HMCN1: variants seen among roughly 807,000 people sequenced by gnomAD.
HMCN1 encodes the protein hemicentin 1.
A neutral mutation model predicts 625.9 loss-of-function variants in HMCN1; 321 were observed. That is an observed-to-expected ratio of 0.51 (90% CI 0.47 to 0.56). The LOEUF (loss-of-function observed/expected upper bound fraction) is 0.56. Ranked by LOEUF, HMCN1 falls within the 20% of genes least tolerant of loss-of-function variation. The pLI is 0.00. For missense variants in HMCN1, 6,588 were observed against 6,887.3 expected (o/e 0.96, Z 1.54); for synonymous variants, 2,425 against 2,417.6 (o/e 1.00, Z -0.09).
chr1:185,888,555 T>G (rs1664826985), intron 4 of HMCN1, among the ~76,000 whole-genome samples: 1 of 145,294 alleles, frequency 6.9e-6, no homozygotes, highest in Non-Finnish European at 1.5e-5. Flanking sequence ...GCACCATTTA[T>G]TAAAGAGGGA....
At chr1:185,819,743 C>G (rs1218435155) in intron 1 of HMCN1, among the ~76,000 whole-genome samples, 1 of 152,062 alleles carries the variant, frequency 6.6e-6, no homozygotes, top group African/African-American at 2.4e-5. Context: ...GAAATTGCCC[C>G]AAATATTTGA....
intron 40 of HMCN1, 107 bp downstream of exon 40, chr1:186,041,243 A>T: frequency 1.0e-6 from 1 of 957,042 alleles, no homozygotes; most frequent in Non-Finnish European, 1.7e-6. Context: ...AATGAACCTT[A>T]GAAATGATAT....
In HMCN1 at chr1:186,151,660, C is replaced by A; in HGVS notation, c.14813C>A (p.Ala4938Glu). The change falls in exon 95 of 107, where the codon GCA becomes GAA. Residue 4938 changes from alanine to glutamate, a missense_variant. Physicochemically the swap from Ala to Glu is moderately radical, Grantham distance 107 (BLOSUM62 -1). Coordinates refer to ENST00000271588, the MANE Select transcript of HMCN1 (RefSeq NM_031935.3). The part of the protein sequence containing the change: ...SILNPIYWTT[A>E]KEIGEAVNGF... ...CTAAATCCCATTTATTGGACAACAG[C>A]AAAGGAAATAGGAGAAGCAGTCAAT... is the stretch of plus-strand genomic sequence containing the variant. The A allele has an allele frequency of 6.2e-7, 1 of 1,612,440 alleles. No individual in the cohort carries two copies. Among genetic ancestry groups the A allele is most frequent in the Non-Finnish European group, 8.5e-7 (1 of 1,178,634 alleles).
At chr1:186,013,547 G>C (rs1323091825) in intron 30 of HMCN1, among the ~76,000 whole-genome samples, 3 of 152,130 alleles carry the variant, frequency 2.0e-5, no homozygotes. Context: ...TCAGCATCCA[G>C]ATCTTGTTTT....
chr1:186,034,322 C>T (rs1655677285), intron 36 of HMCN1, among the ~76,000 whole-genome samples: 1 of 152,296 alleles, frequency 6.6e-6, no homozygotes, highest in African/African-American at 2.4e-5. Context: ...TGTTGGACTT[C>T]TGACCTATAA....
chr1:185,970,485 A>T lies in HMCN1; in HGVS notation c.2363A>T (p.Asp788Val). Residue 788 changes from aspartate (D) to valine (V), a missense_variant, in exon 15 of 107, where the codon GAT (aspartate) becomes GTT (valine). This residue lies in a region of HMCN1 where 4,628 missense variants were observed against 4,853.1 expected (regional missense o/e 0.95). Coordinates refer to ENST00000271588, the MANE Select transcript of HMCN1 (RefSeq NM_031935.3). ...AGRATGKITL[D>V]VGSPPVFIQE... ...AGAGCAACTGGCAAGATAACTCTGGATGTTGGCTGTAAGCCTCCAGATCTT... is the reference window on the plus strand; with the variant it reads ...AGAGCAACTGGCAAGATAACTCTGGTTGTTGGCTGTAAGCCTCCAGATCTT... 6.2e-7 allele frequency: 1 copy of T among 1,613,626 alleles called. No individual in the cohort carries two copies. Among genetic ancestry groups the T allele is most frequent in the Non-Finnish European group, 8.5e-7 (1 of 1,179,550 alleles).
In HMCN1 at chr1:186,090,824, A is replaced by G; in HGVS notation, c.9794A>G (p.Glu3265Gly). 1.2e-6 allele frequency: 2 copies of G among 1,612,654 alleles called. No individual in the cohort carries two copies. The highest frequency in any genetic ancestry group is 1.1e-5 in the South Asian group (1 of 91,056). ...AGTGTCCTTCTAGGAGAAAATGTTG[A>G]GCTGGTCTGCAATGCAAATGGCATT... ...DVSVLLGENV[E>G]LVCNANGIPT... The change falls in exon 64 of 107, where the codon GAG becomes GGG. Residue 3265 changes from glutamate (E) to glycine (G), a missense_variant. This residue lies in a region of HMCN1 where 4,628 missense variants were observed against 4,853.1 expected (regional missense o/e 0.95). Transcript: ENST00000271588.
rs553369532 is a variant in HMCN1 at position 186,130,113 on chromosome 1, G to T, written c.13039+13G>T. The T allele has an allele frequency of 6.2e-7, 1 of 1,612,580 alleles. No individual in the cohort carries two copies. Among genetic ancestry groups the T allele is most frequent in the Non-Finnish European group, 8.5e-7 (1 of 1,179,078 alleles). ...GTTTATGTGAAAGGTAGGGAAAAGCGCTCCATTTTTAATTTATAATGCATT... is the reference window on the plus strand; with the variant it reads ...GTTTATGTGAAAGGTAGGGAAAAGCTCTCCATTTTTAATTTATAATGCATT... On this transcript the variant is annotated intron_variant, in intron 84 of 106. Transcript: ENST00000271588.
At chr1:186,138,064 A>G in intron 89 of HMCN1, 92 bp downstream of exon 89, 3 of 1,363,238 alleles carry the variant, frequency 2.2e-6, no homozygotes, top group African/African-American at 1.4e-5. Flanking sequence ...CTTCATTGTA[A>G]AAAGATGTTA....
intron 4 of HMCN1, among the ~76,000 whole-genome samples, chr1:185,895,429 A>G (rs1227145611): frequency 6.6e-6 from 1 of 152,230 alleles, no homozygotes; most frequent in African/African-American, 2.4e-5. Context: ...GTTCAGGCCA[A>G]GACATTTGGT....
chr1:186,117,094 A>G lies in HMCN1; in HGVS notation c.11662A>G (p.Thr3888Ala), dbSNP rs772015867. The change falls in exon 76 of 107, where the codon ACT becomes GCT. Residue 3888 changes from threonine (T) to alanine (A), a missense_variant. Coordinates refer to ENST00000271588, the MANE Select transcript of HMCN1 (RefSeq NM_031935.3). ...AAACGGTGCTGGAGATGATAAAAGA[A>G]CTGTGGATCTCACTGTCCAAGGTAG... Reference protein sequence around the residue: ...VTNGAGDDKRTVDLTVQVPPS... With the variant: ...VTNGAGDDKRAVDLTVQVPPS... 1.2e-6 allele frequency: 2 copies of G among 1,613,512 alleles called. No individual in the cohort carries two copies. The highest frequency in any genetic ancestry group is 1.7e-6 in the Non-Finnish European group (2 of 1,179,552).
At chr1:185,890,456 A>G (rs935777103) in intron 4 of HMCN1, among the ~76,000 whole-genome samples, 1 of 145,638 alleles carries the variant, frequency 6.9e-6, no homozygotes, top group Non-Finnish European at 1.5e-5. Flanking sequence ...TTAGTGCTAT[A>G]AATTTCCCTC....
At chr1:185,926,735 C>T (rs995031131) in intron 9 of HMCN1, among the ~76,000 whole-genome samples, 4 of 152,162 alleles carry the variant, frequency 2.6e-5, no homozygotes, top group Non-Finnish European at 4.4e-5. Context: ...ACTCTCATGT[C>T]CCTGCCCTAG....
At chr1:185,916,683 T>C (rs1666720415) in intron 6 of HMCN1, among the ~76,000 whole-genome samples, 1 of 152,304 alleles carries the variant, frequency 6.6e-6, no homozygotes, top group East Asian at 1.9e-4. Context: ...AAAAACCATC[T>C]CTATCAGTCA....
chr1:185,950,000 C>T (rs1281889549), intron 11 of HMCN1, among the ~76,000 whole-genome samples: 37 of 149,758 alleles, frequency 2.5e-4, no homozygotes, highest in Non-Finnish European at 3.5e-4. Context: ...GCATAACCTG[C>T]CTTTGCTGGT....
At chr1:186,005,828 A>G (rs1253657325) in intron 29 of HMCN1, among the ~76,000 whole-genome samples, 1 of 152,126 alleles carries the variant, frequency 6.6e-6, no homozygotes, top group East Asian at 1.9e-4. Flanking sequence ...CATATTATCA[A>G]TTATTTCTTT....
Position 185,977,856 on chromosome 1 carries a change from G to T in HMCN1, c.2441G>T (p.Cys814Phe), listed in dbSNP as rs150080274. 3.1e-6 allele frequency: 5 copies of T among 1,612,978 alleles called. No homozygotes were observed. In the Admixed American group the frequency reaches 8.3e-5, roughly 27 times the overall value. The stretch of plus-strand genomic sequence containing the variant: ...ATTGGCTCAAATGTGACATTACCTT[G>T]TTATGTTCAGGGTTATCCAGAACCA... ...MEIGSNVTLP[C>F]YVQGYPEPTI... Residue 814 changes from cysteine (C) to phenylalanine (F), a missense_variant, in exon 16 of 107, where the codon TGT (cysteine) becomes TTT (phenylalanine). Physicochemically the swap from Cys to Phe is radical, Grantham distance 205. Coordinates refer to ENST00000271588, the MANE Select transcript of HMCN1 (RefSeq NM_031935.3).
At chr1:185,906,951 A>AT (rs573094693) in intron 4 of HMCN1, among the ~76,000 whole-genome samples, 6,310 of 108,598 alleles carry the variant, frequency 0.058, 254 homozygotes, top group African/African-American at 0.11. Flanking sequence ...AATCCTTTCT[A>AT]TTTTTTTTTT....
chr1:185,834,128 A>T (rs766167911), intron 1 of HMCN1, among the ~76,000 whole-genome samples: 1 of 152,210 alleles, frequency 6.6e-6, no homozygotes, highest in Non-Finnish European at 1.5e-5. Flanking sequence ...AAAATGTCAC[A>T]GTTGCTATCA....
Sources: gnomAD v4.1 joint callset for allele counts (sites outside exome capture counted in the v4.1 genomes callset) on GRCh38, gnomAD v4.1.1 for gene constraint, gnomAD v4.1.1 regional missense constraint, MANE v1.5 for transcripts, NCBI Gene and HGNC (gene_info 2026-07-23, HGNC 2026-07-21) for gene names.